TEKT1: variants seen among roughly 807,000 people sequenced by gnomAD.
TEKT1 encodes tektin-1.
TEKT1 carries 32 observed loss-of-function variants against 34.8 expected under a neutral mutation model. The ratio of observed to expected loss-of-function variants is 0.92; its 90% CI spans 0.69 to 1.23. TEKT1 has a LOEUF of 1.23. Ranked by LOEUF, TEKT1 falls within the 50% of genes most tolerant of loss-of-function variation. The pLI is 0.00. For missense variants in TEKT1, 492 were observed against 518.5 expected, an observed-to-expected ratio of 0.95 and a Z score of 0.50; for synonymous variants, 207 against 199.8, an observed-to-expected ratio of 1.04 and a Z score of -0.30.
intron 5 of TEKT1, chr17:6,814,878 AT>A (rs148445134): frequency 3.4e-6 from 1 of 293,688 alleles, no homozygotes; most frequent in South Asian, 7.8e-5. Flanking sequence ...CTCTTCCTAC[AT>A]TTTTAGATTA....
At chr17:6,822,705 G>A (rs1977110581) in intron 2 of TEKT1, among the ~76,000 whole-genome samples, 1 of 152,182 alleles carries the variant, frequency 6.6e-6, no homozygotes, top group Non-Finnish European at 1.5e-5. Flanking sequence ...TGATGGATTT[G>A]ATAGTGTATG....
intron 6 of TEKT1, among the ~76,000 whole-genome samples, chr17:6,809,374 G>A (rs1252977815): frequency 2.6e-5 from 4 of 152,140 alleles, no homozygotes; most frequent in Non-Finnish European, 5.9e-5. Context: ...TGGGATTACA[G>A]GCAGGCGCCA....
intron 1 of TEKT1, 134 bp from the exon 2 acceptor site, chr17:6,830,527 T>A: frequency 1.5e-6 from 1 of 654,730 alleles, no homozygotes; most frequent in Non-Finnish European, 2.4e-6. Context: ...TCTATCTGTG[T>A]AGCCGGCACC....
At chr17:6,826,042 C>A (rs948835052) in intron 2 of TEKT1, among the ~76,000 whole-genome samples, 1 of 152,212 alleles carries the variant, frequency 6.6e-6, no homozygotes, top group African/African-American at 2.4e-5. Flanking sequence ...GTGATTACAG[C>A]AATTTGTATT....
At position 6,830,410 on chromosome 17, in the gene TEKT1, T is replaced by A; in HGVS notation, c.-17-17A>T. The A allele has an allele frequency of 6.7e-7, 1 of 1,487,636 alleles. No individual in the cohort carries two copies. The highest frequency in any genetic ancestry group is 9.0e-7 in the Non-Finnish European group (1 of 1,108,472). 92.2% of individuals were successfully genotyped at this position (1,487,636 alleles called of 1,614,324 possible). ...TCCAAATTCCTGATCAAAAGCAGAC[T>A]CTTTTAGATTAAATGAAAGCAATTT... is the stretch of plus-strand genomic sequence containing the variant. On this transcript the variant is annotated splice_polypyrimidine_tract_variant and intron_variant, in intron 1 of 7. Coordinates refer to ENST00000338694, the MANE Select transcript of TEKT1 (RefSeq NM_053285.2).
In TEKT1 at chr17:6,817,383, A is replaced by T. The variant is rs189298849; in HGVS notation, c.357-1421T>A. On this transcript the variant is annotated intron_variant, in intron 3 of 7. Transcript: ENST00000338694. ...AGAGCGAAACTCCATCTCAAAAAAA[A>T]TTTTAAAAGATGTTTATAGTAATAA... Among the ~76,000 whole-genome samples, 416 of 152,290 alleles carry T rather than the reference A, an allele frequency of 2.7e-3. 1 individual carries two copies. Among genetic ancestry groups the T allele is most frequent in the African/African-American group, 9.2e-3 (384 of 41,562 alleles).
Position 6,819,270 on chromosome 17 carries a change from T to C in TEKT1, c.279A>G (p.Ile93Met). 1 of 1,614,148 alleles carries C rather than the reference T, an allele frequency of 6.2e-7. No individual in the cohort carries two copies. The highest frequency in any genetic ancestry group is 8.5e-7 in the Non-Finnish European group (1 of 1,179,994). Residue 93 changes from isoleucine to methionine, a missense_variant, in exon 3 of 8, where the codon ATA becomes ATG. Coordinates refer to ENST00000338694, the MANE Select transcript of TEKT1 (RefSeq NM_053285.2). ...QLVNVTDDLLIYKIRLEKALE... is the reference protein window; with the variant it reads ...QLVNVTDDLLMYKIRLEKALE... ...GGGCTTTTTCCAATCTGATCTTATA[T>C]ATGAGTAGATCATCAGTTACATTCA...
intron 2 of TEKT1, among the ~76,000 whole-genome samples, chr17:6,828,244 G>A (rs1209619042): frequency 2.0e-5 from 3 of 151,986 alleles, no homozygotes; most frequent in Non-Finnish European, 4.4e-5. Context: ...ATGCCCGGGC[G>A]CCTTCTCATT....
intron 6 of TEKT1, among the ~76,000 whole-genome samples, chr17:6,812,285 C>G (rs1976938694): frequency 6.6e-6 from 1 of 152,108 alleles, no homozygotes; most frequent in African/African-American, 2.4e-5. Flanking sequence ...ATTACCCAGT[C>G]TTGGGTAGCT....
chr17:6,810,187 G>A (rs777902382), intron 6 of TEKT1, among the ~76,000 whole-genome samples: 3 of 152,206 alleles, frequency 2.0e-5, no homozygotes, highest in Non-Finnish European at 4.4e-5. Context: ...AGGTGCCGAG[G>A]TGTTGTTGTT....
Position 6,802,729 on chromosome 17 carries a change from G to A in TEKT1, c.853-1786C>T, listed in dbSNP as rs914062990. Among the ~76,000 whole-genome samples, 14 of 150,822 alleles carry A rather than the reference G, an allele frequency of 9.3e-5. 1 individual carries two copies. The highest frequency in any genetic ancestry group is 1.6e-4 in the Non-Finnish European group (11 of 67,850). ...TTCCCACCTATGAGTGAGAACATGC[G>A]GTGTTTGGTTTTTTGTCTTTGCGAT... On this transcript the variant is annotated intron_variant, in intron 6 of 7. Transcript: ENST00000338694.
chr17:6,808,132 G>A (rs1469626280), intron 6 of TEKT1, among the ~76,000 whole-genome samples: 1 of 152,174 alleles, frequency 6.6e-6, no homozygotes, highest in African/African-American at 2.4e-5. Context: ...GAGCTTCAGG[G>A]CTGCTTTGTT....
intron 6 of TEKT1, among the ~76,000 whole-genome samples, chr17:6,801,314 T>A (rs969400274): frequency 2.6e-5 from 4 of 152,162 alleles, no homozygotes; most frequent in African/African-American, 9.7e-5. Context: ...ACCACTCCTA[T>A]CCTGCTAGCA....
chr17:6,828,751 G>A (rs370827877), intron 2 of TEKT1, among the ~76,000 whole-genome samples: 2 of 152,068 alleles, frequency 1.3e-5, no homozygotes, highest in Non-Finnish European at 1.5e-5. Context: ...GCCGACGTTG[G>A]TTGTTTGTTT....
rs1365005204 is a variant in TEKT1, at chr17:6,798,357, A to G, written c.*1670T>C. ...GTATTCACAAGGAAGGATTTTGCCC[A>G]GTGTCTTCACACCCTGCCAGCCACA... On this transcript the variant is annotated 3_prime_UTR_variant, in exon 8 of 8. Coordinates refer to ENST00000338694, the MANE Select transcript of TEKT1 (RefSeq NM_053285.2). 3.9e-5 allele frequency: 6 copies of G among 152,268 alleles called. No individual in the cohort carries two copies. Among genetic ancestry groups the G allele is most frequent in the African/African-American group, 1.4e-4 (6 of 41,456 alleles). 9.4% of individuals were successfully genotyped at this position (152,268 alleles called of 1,614,324 possible).
chr17:6,803,535 A>G (rs1484409633), intron 6 of TEKT1, among the ~76,000 whole-genome samples: 2 of 152,312 alleles, frequency 1.3e-5, no homozygotes, highest in Admixed American at 6.5e-5. Context: ...GTCCTTGCCC[A>G]TGCCTATGTC....
intron 6 of TEKT1, among the ~76,000 whole-genome samples, chr17:6,808,697 T>G (rs147357249): frequency 1.1e-4 from 17 of 152,224 alleles, no homozygotes; most frequent in Admixed American, 2.0e-4. Flanking sequence ...AAAAAGATGA[T>G]GCTTTAAATT....
At chr17:6,815,069 GCT>G in intron 5 of TEKT1, 92 bp downstream of exon 5, 2 of 1,485,062 alleles carry the variant, frequency 1.3e-6, no homozygotes, top group Non-Finnish European at 1.8e-6. Flanking sequence ...CCACTTCCAA[GCT>G]CTCAGCCAGC....
intron 6 of TEKT1, among the ~76,000 whole-genome samples, chr17:6,801,802 A>T (rs1263629654): frequency 6.6e-6 from 1 of 152,210 alleles, no homozygotes; most frequent in Admixed American, 6.5e-5. Context: ...TTTCTTCATT[A>T]AGCATTTTTT....
Sources: allele counts gnomAD v4.1 joint callset (sites outside exome capture counted in the v4.1 genomes callset), GRCh38; gene constraint gnomAD v4.1.1; transcripts MANE v1.5; gene names NCBI Gene and HGNC (gene_info 2026-07-23, HGNC 2026-07-21).